ARHGAP18: variants seen among roughly 807,000 people sequenced by gnomAD.
The protein encoded by ARHGAP18 is rho GTPase-activating protein 18.
A neutral mutation model predicts 86.2 loss-of-function variants in ARHGAP18; 67 were observed. The observed-to-expected ratio is 0.78, with a 90% CI of 0.64 to 0.95. ARHGAP18 has a LOEUF of 0.95. Ranked by LOEUF, ARHGAP18 falls within the 40% of genes least tolerant of loss-of-function variation. The pLI, the probability that ARHGAP18 is intolerant of heterozygous loss-of-function variation, is 0.00. For synonymous variants in ARHGAP18, 283 were observed against 280.4 expected, an observed-to-expected ratio of 1.01 and a Z score of -0.09; for missense variants, 691 against 780.4, an observed-to-expected ratio of 0.89 and a Z score of 1.37.
rs1449986022 is a variant in ARHGAP18, at chr6:129,618,751, A to G, written c.888T>C (p.Thr296=). 7 of 1,613,672 alleles carry G rather than the reference A, an allele frequency of 4.3e-6. No homozygotes were observed. In the East Asian group the frequency reaches 1.6e-4, roughly 36 times the overall value. The change falls in exon 6 of 15, where the codon ACT becomes ACC. Residue 296 remains threonine (T), a synonymous_variant. Transcript: ENST00000368149. ...KVCHLALIEL[T]ALYDVLGIEL... is the part of the protein sequence containing the mutation. ...CAATACCCAATACATCATAGAGGGC[A>G]GTCAGCTCAATTAGGGCTAAATGGC...
chr6:129,676,913 C>CT (rs1562721123), intron 1 of ARHGAP18, among the ~76,000 whole-genome samples: 2 of 34,566 alleles, frequency 5.8e-5, no homozygotes, highest in African/African-American at 1.7e-4. Context: ...ATTTTTTGTC[C>CT]TCTTTTTTTT....
chr6:129,651,884 GA>G (rs5879957), intron 1 of ARHGAP18, among the ~76,000 whole-genome samples: 44,334 of 151,874 alleles, frequency 0.29, 6,458 homozygotes, highest in African/African-American at 0.32. Context: ...GATGCTATTA[GA>G]AAAATGGAAC....
chr6:129,620,350 T>C (rs1362982423), intron 5 of ARHGAP18, among the ~76,000 whole-genome samples: 5 of 152,236 alleles, frequency 3.3e-5, no homozygotes, highest in African/African-American at 1.2e-4. Context: ...TTTAGGATTT[T>C]GGATTTTTGG....
intron 1 of ARHGAP18, among the ~76,000 whole-genome samples, chr6:129,668,832 T>C (rs1384555102): frequency 6.6e-6 from 1 of 152,214 alleles, no homozygotes; most frequent in African/African-American, 2.4e-5. Context: ...ATGAGACCCC[T>C]TTAGTGATAG....
chr6:129,681,831 C>T (rs1774329623), intron 1 of ARHGAP18, among the ~76,000 whole-genome samples: 1 of 152,208 alleles, frequency 6.6e-6, no homozygotes, highest in Non-Finnish European at 1.5e-5. Flanking sequence ...TGACCAAGTT[C>T]ACAGGTTAGG....
intron 1 of ARHGAP18, among the ~76,000 whole-genome samples, chr6:129,681,430 A>G (rs1355031892): frequency 6.6e-6 from 1 of 152,254 alleles, no homozygotes; most frequent in Non-Finnish European, 1.5e-5. Context: ...AAAAGAAAAC[A>G]TCCTGAGGTA....
chr6:129,703,281 T>C (rs927851530), intron 1 of ARHGAP18, among the ~76,000 whole-genome samples: 23 of 152,248 alleles, frequency 1.5e-4, no homozygotes, highest in Admixed American at 1.2e-3. Flanking sequence ...GTAGCAATCA[T>C]GTGCATCATT....
chr6:129,627,017 C>T (rs1013812755), intron 5 of ARHGAP18, among the ~76,000 whole-genome samples: 1 of 152,008 alleles, frequency 6.6e-6, no homozygotes, highest in Non-Finnish European at 1.5e-5. Flanking sequence ...GAGTTTCCTG[C>T]AGAAACATAT....
At chr6:129,687,580 T>C (rs1368277219) in intron 1 of ARHGAP18, among the ~76,000 whole-genome samples, 1 of 152,170 alleles carries the variant, frequency 6.6e-6, no homozygotes, top group Admixed American at 6.5e-5. Context: ...ATCTTTGCTC[T>C]AGGAAAGCAG....
chr6:129,705,068 C>T (rs1483219817), intron 1 of ARHGAP18, among the ~76,000 whole-genome samples: 2 of 152,178 alleles, frequency 1.3e-5, no homozygotes, highest in Admixed American at 1.3e-4. Flanking sequence ...TCACCTGTCA[C>T]CTGCTCAGGT....
intron 1 of ARHGAP18, among the ~76,000 whole-genome samples, chr6:129,660,499 A>G (rs573838727): frequency 0.12 from 6,386 of 53,376 alleles, 187 homozygotes; most frequent in Admixed American, 0.16. Context: ...GAAGATAGGA[A>G]AAAAAAGAGC....
intron 5 of ARHGAP18, among the ~76,000 whole-genome samples, chr6:129,620,989 A>G (rs73776328): frequency 0.016 from 2,376 of 152,306 alleles, 47 homozygotes; most frequent in African/African-American, 0.047. Context: ...TTACAGACTC[A>G]CTAAAATTAA....
chr6:129,641,817 A>C lies in ARHGAP18; in HGVS notation c.315T>G (p.Asp105Glu). ...DQEVVVVKEP[D>E]EGELEEEWLK... ...AAGCTTTATTTAGTTAGTTATTACC[A>C]TCAGGCTCTTTGACAACAACCACCT... is the stretch of plus-strand genomic sequence containing the variant. The change falls in exon 2 of 15, where the codon GAT becomes GAG. Residue 105 changes from aspartate (D) to glutamate (E), a missense_variant and splice_region_variant. By Grantham distance (45) the Asp-to-Glu change is conservative. Coordinates refer to ENST00000368149, the MANE Select transcript of ARHGAP18 (RefSeq NM_033515.3). 1 of 1,612,198 alleles carries C rather than the reference A, an allele frequency of 6.2e-7. No individual in the cohort carries two copies.
intron 1 of ARHGAP18, among the ~76,000 whole-genome samples, chr6:129,674,199 G>A (rs772686985): frequency 2.6e-5 from 4 of 152,146 alleles, no homozygotes; most frequent in Non-Finnish European, 5.9e-5. Context: ...AGCAAGGAAG[G>A]AGGCACACAG....
chr6:129,631,196 A>T (rs989229479), intron 4 of ARHGAP18, among the ~76,000 whole-genome samples: 3 of 152,184 alleles, frequency 2.0e-5, no homozygotes, highest in Non-Finnish European at 4.4e-5. Context: ...TTAAATTAGA[A>T]GCTACCTTTC....
At chr6:129,690,686 C>A (rs1419298628) in intron 1 of ARHGAP18, among the ~76,000 whole-genome samples, 1 of 152,114 alleles carries the variant, frequency 6.6e-6, no homozygotes, top group Non-Finnish European at 1.5e-5. Flanking sequence ...AGATTTCTAG[C>A]ATTTCATATT....
At chr6:129,605,809 G>T in intron 10 of ARHGAP18, 68 bp downstream of exon 10, 2 of 1,382,118 alleles carry the variant, frequency 1.4e-6, no homozygotes, top group Non-Finnish European at 2.1e-6. Flanking sequence ...TTATTGTTTT[G>T]CCACAAATAA....
intron 1 of ARHGAP18, among the ~76,000 whole-genome samples, chr6:129,657,933 C>T (rs895538538): frequency 2.0e-4 from 30 of 152,140 alleles, no homozygotes; most frequent in Non-Finnish European, 5.9e-5. Flanking sequence ...TCATAGTATA[C>T]GGTCACTCAT....
intron 1 of ARHGAP18, among the ~76,000 whole-genome samples, chr6:129,682,764 T>C (rs1774345231): frequency 6.6e-6 from 1 of 152,140 alleles, no homozygotes; most frequent in African/African-American, 2.4e-5. Context: ...GAGTTTATAG[T>C]CTAAGATGGA....
Sources: allele counts gnomAD v4.1 joint callset (sites outside exome capture counted in the v4.1 genomes callset), GRCh38; gene constraint gnomAD v4.1.1; transcripts MANE v1.5; gene names NCBI Gene and HGNC (gene_info 2026-07-23, HGNC 2026-07-21).